The following SYT16 variants were observed in gnomAD, a reference collection of about 807,000 sequenced individuals.
SYT16 encodes the protein synaptotagmin 16.
SYT16 carries 42 observed loss-of-function variants against 61.4 expected under a neutral mutation model. The observed-to-expected ratio is 0.68, with a 90% CI of 0.53 to 0.89. The LOEUF (loss-of-function observed/expected upper bound fraction) is 0.89. SYT16 is among the 40% of genes least tolerant of loss of function. SYT16 has a pLI of 0.00. For synonymous variants in SYT16, 314 were observed against 302.3 expected (o/e 1.04, Z -0.40); for missense variants, 804 against 807.3 (o/e 1.00, Z 0.05).
In SYT16 at chr14:62,109,657, A is replaced by G. The variant is rs1475542217; in HGVS notation, c.*8950A>G. The G allele has an allele frequency of 2.6e-5, 4 of 152,188 alleles. No individual in the cohort carries two copies. The highest frequency in any genetic ancestry group is 4.8e-5 in the African/African-American group (2 of 41,452). The allele number at this position is 152,188 out of a possible 1,614,324, so 9.4% of individuals were successfully genotyped here. A position where few individuals can be genotyped will look rare whatever the true frequency, so the allele number is the denominator to read the frequency against. ...TTTTTCCCTCCATTGGAATCTAAAC[A>G]GAAAGTTCTGAAGGTTATGAAGACG... On this transcript the variant is annotated 3_prime_UTR_variant, in exon 8 of 8. Coordinates refer to ENST00000683842, the MANE Select transcript of SYT16 (RefSeq NM_001367656.1).
chr14:62,075,368 A>G lies in SYT16; in HGVS notation c.970A>G (p.Ser324Gly). ...RGFEDSYATD[S>G]SSMWSPEEQD... ...ATTTGAAGATTCCTATGCCACTGACAGCTCCTCCATGTGGAGTCCAGAGGC... is the reference window on the plus strand; with the variant it reads ...ATTTGAAGATTCCTATGCCACTGACGGCTCCTCCATGTGGAGTCCAGAGGC... The change falls in exon 5 of 8, where the codon AGC becomes GGC. Residue 324 changes from serine to glycine, a missense_variant. By Grantham distance (56) the Ser-to-Gly change is moderately conservative. Transcript: ENST00000683842. The G allele has an allele frequency of 6.2e-7, 1 of 1,613,330 alleles. No individual in the cohort carries two copies. Among genetic ancestry groups the G allele is most frequent in the South Asian group, 1.1e-5 (1 of 91,058 alleles).
chr14:61,913,704 T>TTGTG (rs56758661), intron 1 of SYT16, among the ~76,000 whole-genome samples: 4,610 of 145,828 alleles, frequency 0.032, 230 homozygotes, highest in African/African-American at 0.11. Context: ...CTTTGGGTCT[T>TTGTG]TGTGTGTGTG....
In SYT16 at chr14:61,968,081, C is replaced by T. The variant is rs916947987; in HGVS notation, c.-324-2051C>T. Among the ~76,000 whole-genome samples the T allele has an allele frequency of 1.3e-4, 20 of 151,842 alleles. 1 individual carries two copies. Among genetic ancestry groups the T allele is most frequent in the South Asian group, 4.2e-4 (2 of 4,804 alleles). On this transcript the variant is annotated intron_variant, in intron 1 of 7. Coordinates refer to ENST00000683842, the MANE Select transcript of SYT16 (RefSeq NM_001367656.1). The stretch of plus-strand genomic sequence containing the variant: ...TTCAAGACCAGCCTGGGGAATATAC[C>T]GAAACCCCGTCTCTACTAAAAATAC...
At chr14:61,880,205 C>T (rs191610186) in intron 1 of SYT16, among the ~76,000 whole-genome samples, 75 of 152,278 alleles carry the variant, frequency 4.9e-4, no homozygotes, top group African/African-American at 1.7e-3. Flanking sequence ...CTTGGCATAA[C>T]CGTGAATAAA....
At chr14:62,006,362 C>T (rs1247908519) in intron 3 of SYT16, among the ~76,000 whole-genome samples, 3 of 152,080 alleles carry the variant, frequency 2.0e-5, no homozygotes, top group East Asian at 1.9e-4. Context: ...GCATTTTAAT[C>T]GGTGATTTAT....
At chr14:61,992,808 A>C (rs2052607778) in intron 2 of SYT16, among the ~76,000 whole-genome samples, 1 of 152,124 alleles carries the variant, frequency 6.6e-6, no homozygotes, top group Admixed American at 6.6e-5. Flanking sequence ...AAGATTATAT[A>C]GAGTTGGAAA....
chr14:61,989,004 C>T (rs2052434585), intron 2 of SYT16, among the ~76,000 whole-genome samples: 2 of 152,028 alleles, frequency 1.3e-5, no homozygotes. Flanking sequence ...GGGCAAGTCA[C>T]CTACCCTTTC....
Position 62,039,469 on chromosome 14 carries a change from T to C in SYT16, c.524-30134T>C, listed in dbSNP as rs181102332. Among the ~76,000 whole-genome samples, 6 of 152,288 alleles carry C rather than the reference T, an allele frequency of 3.9e-5. No individual in the cohort carries two copies. The East Asian group carries it at 1.2e-3, about 29-fold the overall frequency. ...ATGTTGGGATAAGAGAGGGTAGCAT[T>C]AGCTATGTGTGAGGACGCAAGGACA... On this transcript the variant is annotated intron_variant, in intron 3 of 7. Transcript: ENST00000683842.
At chr14:61,973,903 T>C (rs1218368303) in intron 2 of SYT16, among the ~76,000 whole-genome samples, 1 of 152,074 alleles carries the variant, frequency 6.6e-6, no homozygotes, top group African/African-American at 2.4e-5. Flanking sequence ...GACCAGACCC[T>C]GAGAAGGAGG....
In SYT16 at chr14:61,979,550, A is replaced by G. The variant is rs186069957; in HGVS notation, c.-145+9239A>G. Among the ~76,000 whole-genome samples, 48 of 152,312 alleles carry G rather than the reference A, an allele frequency of 3.2e-4. No homozygotes were observed. The East Asian group carries it at 8.7e-3, about 28-fold the overall frequency. ...ATCAAATATCTTGGAATAAAAAAAG[A>G]GTACATATTCCCCTCCTTTTCTTTT... On this transcript the variant is annotated intron_variant, in intron 2 of 7. Transcript: ENST00000683842.
intron 3 of SYT16, among the ~76,000 whole-genome samples, chr14:62,046,769 T>G (rs894441094): frequency 6.6e-6 from 1 of 152,198 alleles, no homozygotes; most frequent in African/African-American, 2.4e-5. Context: ...GTTGTAGATA[T>G]GTGGCATTAT....
chr14:61,886,882 T>TC (rs1362619440), intron 1 of SYT16, among the ~76,000 whole-genome samples: 1 of 125,062 alleles, frequency 8.0e-6, no homozygotes, highest in Non-Finnish European at 1.7e-5. Context: ...TTTTTTGTCT[T>TC]TTTTTTTTTT....
At chr14:61,854,098 A>G (rs1566628845) in intron 1 of SYT16, among the ~76,000 whole-genome samples, 1 of 152,166 alleles carries the variant, frequency 6.6e-6, no homozygotes, top group East Asian at 1.9e-4. Context: ...CCCCACCCCA[A>G]TATGTGTATG....
At chr14:61,967,707 A>G (rs1225748201) in intron 1 of SYT16, among the ~76,000 whole-genome samples, 8 of 152,040 alleles carry the variant, frequency 5.3e-5, no homozygotes, top group Non-Finnish European at 1.2e-4. Context: ...CCTTACCCTA[A>G]TTACATCTTC....
In SYT16 at chr14:62,075,065, A is replaced by G. The variant is rs911096147; in HGVS notation, c.737-70A>G. 27 of 1,487,414 alleles carry G rather than the reference A, an allele frequency of 1.8e-5. 1 individual carries two copies. Among genetic ancestry groups the G allele is most frequent in the Middle Eastern group, 1.8e-4 (1 of 5,688 alleles). The allele number at this position is 1,487,414 out of a possible 1,614,324, so 92.1% of individuals were successfully genotyped here. The stretch of plus-strand genomic sequence containing the variant: ...AATCTTGATTGTTGTGACTGCAATT[A>G]CTCAATTTCTCTAGGTAAAAAGGTG... On this transcript the variant is annotated intron_variant, in intron 4 of 7. Coordinates refer to ENST00000683842, the MANE Select transcript of SYT16 (RefSeq NM_001367656.1).
chr14:61,893,459 T>C, intron 1 of SYT16, among the ~76,000 whole-genome samples: 1 of 152,228 alleles, frequency 6.6e-6, no homozygotes, highest in East Asian at 1.9e-4. Flanking sequence ...AAGTTTCAGC[T>C]TCCCCATTTT....
At chr14:62,056,136 CAA>C (rs2055544509) in intron 3 of SYT16, among the ~76,000 whole-genome samples, 1 of 151,120 alleles carries the variant, frequency 6.6e-6, no homozygotes, top group South Asian at 2.1e-4. Flanking sequence ...TCAGTGGTAA[CAA>C]TGATCAACGT....
At chr14:61,975,204 T>C (rs1469392544) in intron 2 of SYT16, among the ~76,000 whole-genome samples, 2 of 152,188 alleles carry the variant, frequency 1.3e-5, no homozygotes, top group Non-Finnish European at 2.9e-5. Flanking sequence ...GGACCATCTG[T>C]GCACCTTTCC....
chr14:61,844,400 A>G (rs527775480), intron 1 of SYT16, among the ~76,000 whole-genome samples: 21 of 152,154 alleles, frequency 1.4e-4, no homozygotes, highest in Admixed American at 8.5e-4. Flanking sequence ...TGATTGCTCT[A>G]GCTAGGACTT....
Sources: gnomAD v4.1 joint callset for allele counts (sites outside exome capture counted in the v4.1 genomes callset) on GRCh38, gnomAD v4.1.1 for gene constraint, MANE v1.5 for transcripts, NCBI Gene and HGNC (gene_info 2026-07-23, HGNC 2026-07-21) for gene names.